C12orf50: variants seen among roughly 807,000 people sequenced by gnomAD.
C12orf50 encodes uncharacterized protein C12orf50.
Under a neutral mutation model 61.6 loss-of-function variants are expected in C12orf50, and 35 were observed. That is an observed-to-expected ratio of 0.57 (90% CI 0.43 to 0.75). C12orf50 has a LOEUF of 0.75. C12orf50 is among the 30% of genes least tolerant of loss of function. The pLI, the probability that C12orf50 is intolerant of heterozygous loss-of-function variation, is 0.00. For missense variants in C12orf50, 475 were observed against 488.5 expected, an observed-to-expected ratio of 0.97 and a Z score of 0.26; for synonymous variants, 178 against 161.5, an observed-to-expected ratio of 1.10 and a Z score of -0.77.
intron 3 of C12orf50, among the ~76,000 whole-genome samples, 178 bp from the exon 4 acceptor site, chr12:87,998,368 A>G (rs1318887472): frequency 6.6e-6 from 1 of 152,158 alleles, no homozygotes; most frequent in Non-Finnish European, 1.5e-5. Flanking sequence ...AATGAAATGA[A>G]AAATAATCCC....
chr12:87,988,046 A>G (rs1015827625), intron 8 of C12orf50, 80 bp from the exon 9 acceptor site: 1 of 805,946 alleles, frequency 1.2e-6, no homozygotes, highest in Non-Finnish European at 2.0e-6. Context: ...CACTATTCAA[A>G]CATTACATAA....
Position 88,002,264 on chromosome 12 carries a change from T to C in C12orf50, c.134-4074A>G, listed in dbSNP as rs978171741. On this transcript the variant is annotated intron_variant, in intron 3 of 12. Transcript: ENST00000298699. ...TTGTGATTTCTTGGTTATTTACATG[T>C]GTGCTATTTAATTTCCATATATTTG... is the stretch of plus-strand genomic sequence containing the variant. Among the ~76,000 whole-genome samples, 20 of 151,812 alleles carry C rather than the reference T, an allele frequency of 1.3e-4. 1 individual carries two copies. Among genetic ancestry groups the C allele is most frequent in the Admixed American group, 1.3e-3 (20 of 15,240 alleles).
Position 87,986,009 on chromosome 12 carries a change from T to G in C12orf50, c.967A>C (p.Asn323His), listed in dbSNP as rs1407820515. The G allele has an allele frequency of 6.2e-7, 1 of 1,613,882 alleles. No homozygotes were observed. Among genetic ancestry groups the G allele is most frequent in the Admixed American group, 1.7e-5 (1 of 59,972 alleles). ...TTCTCCGCATTTCGATTTTTATTAT[T>G]GCGGTGATAACTCATTTTATTTTGG... ...RPQNKMSYHR[N>H]NKNRNAENAS... The change falls in exon 11 of 13, where the codon AAT (asparagine) becomes CAT (histidine). Residue 323 changes from asparagine to histidine, a missense_variant. By Grantham distance (68) the Asn-to-His change is moderately conservative. Transcript: ENST00000298699.
chr12:88,014,542 G>A (rs895718463), intron 3 of C12orf50, among the ~76,000 whole-genome samples: 10 of 152,014 alleles, frequency 6.6e-5, no homozygotes, highest in African/African-American at 2.2e-4. Flanking sequence ...CTCATGATCC[G>A]CCCGCCTCGG....
chr12:87,989,456 C>A, intron 7 of C12orf50, 85 bp from the exon 8 acceptor site: 2 of 898,682 alleles, frequency 2.2e-6, no homozygotes, highest in Non-Finnish European at 3.6e-6. Context: ...TTCTACAATA[C>A]CCCTTTTGTT....
At chr12:88,001,794 TTCCCTTTTAA>T (rs2031666752) in intron 3 of C12orf50, among the ~76,000 whole-genome samples, 1 of 151,640 alleles carries the variant, frequency 6.6e-6, no homozygotes, top group Non-Finnish European at 1.5e-5. Context: ...GTCCACATTA[TTCCCTTTTAA>T]TTCTTTTTAT....
At chr12:87,999,000 T>A in intron 3 of C12orf50, among the ~76,000 whole-genome samples, 1 of 151,902 alleles carries the variant, frequency 6.6e-6, no homozygotes, top group Admixed American at 6.6e-5. Context: ...TCTGACACTA[T>A]AAAACTCATA....
intron 6 of C12orf50, among the ~76,000 whole-genome samples, chr12:87,995,942 T>A (rs1328151356): frequency 1.3e-5 from 2 of 152,216 alleles, no homozygotes; most frequent in Non-Finnish European, 2.9e-5. Context: ...AATAGTCTGG[T>A]CCACAGAAGA....
intron 3 of C12orf50, among the ~76,000 whole-genome samples, chr12:88,009,482 C>T (rs1396708243): frequency 6.6e-6 from 1 of 151,930 alleles, no homozygotes; most frequent in East Asian, 1.9e-4. Flanking sequence ...TCTATGATAG[C>T]AGTTCTCAAG....
chr12:87,991,636 G>C, intron 7 of C12orf50, among the ~76,000 whole-genome samples: 1 of 152,050 alleles, frequency 6.6e-6, no homozygotes, highest in East Asian at 1.9e-4. Flanking sequence ...ATAAGTTTAT[G>C]AAAAGGTGCT....
intron 12 of C12orf50, among the ~76,000 whole-genome samples, chr12:87,980,711 A>G (rs1383642760): frequency 6.6e-6 from 1 of 152,192 alleles, no homozygotes; most frequent in Non-Finnish European, 1.5e-5. Flanking sequence ...AGAGAAGGTC[A>G]CCAATGAGAA....
At position 87,998,198 on chromosome 12, in the gene C12orf50, G is replaced by T; in HGVS notation, c.134-8C>A. On this transcript the variant is annotated splice_polypyrimidine_tract_variant and splice_region_variant and intron_variant, in intron 3 of 12. Transcript: ENST00000298699. ...CTTTCTGTAGTGTGATATCTGCAGA[G>T]AAAATGCAACATTTCAGTCTGTTCA... is the stretch of plus-strand genomic sequence containing the variant. The T allele has an allele frequency of 6.2e-7, 1 of 1,607,466 alleles. No individual in the cohort carries two copies. Among genetic ancestry groups the T allele is most frequent in the Non-Finnish European group, 8.5e-7 (1 of 1,175,562 alleles).
chr12:88,005,843 A>G (rs2031842841), intron 3 of C12orf50, among the ~76,000 whole-genome samples: 1 of 151,588 alleles, frequency 6.6e-6, no homozygotes, highest in African/African-American at 2.4e-5. Context: ...ATGGAAGGCC[A>G]GGAGCTGTTA....
At chr12:88,024,916 T>C (rs2032646207) in intron 3 of C12orf50, among the ~76,000 whole-genome samples, 1 of 152,176 alleles carries the variant, frequency 6.6e-6, no homozygotes, top group African/African-American at 2.4e-5. Flanking sequence ...AATTGGCCAC[T>C]GGATTTAATA....
chr12:87,997,931 A>T (rs2136433561), intron 4 of C12orf50, 104 bp downstream of exon 4: 1 of 788,794 alleles, frequency 1.3e-6, no homozygotes, highest in African/African-American at 1.7e-5. Context: ...TCTCAGCAAA[A>T]TCTGCCTTAT....
At chr12:88,008,094 C>T (rs1213107101) in intron 3 of C12orf50, among the ~76,000 whole-genome samples, 1 of 151,580 alleles carries the variant, frequency 6.6e-6, no homozygotes, top group African/African-American at 2.4e-5. Context: ...TTCAGGGGTA[C>T]ACGTGCAGGT....
chr12:87,996,428 T>C lies in C12orf50; in HGVS notation c.427A>G (p.Thr143Ala), dbSNP rs570316510. ...DILSSKSMTP[T>A]AEKQLEKPLE... ...GGCTTTTCTAACTGTTTTTCTGCTG[T>C]AGGTGTCATGCTTTTTGATGACAAA... The change falls in exon 6 of 13, where the codon ACA (threonine) becomes GCA (alanine). Residue 143 changes from threonine (T) to alanine (A), a missense_variant. Thr to Ala is a moderately conservative substitution (Grantham distance 58). Transcript: ENST00000298699. 2.5e-6 allele frequency: 4 copies of C among 1,613,540 alleles called. No individual in the cohort carries two copies. The African/African-American group carries it at 5.3e-5, about 22-fold the overall frequency.
At position 87,990,502 on chromosome 12, in the gene C12orf50, C is replaced by T. The variant is rs1023690150; in HGVS notation, c.593-1131G>A. Among the ~76,000 whole-genome samples the T allele has an allele frequency of 1.2e-4, 18 of 152,184 alleles. No homozygotes were observed. The East Asian group carries it at 3.3e-3, about 28-fold the overall frequency. ...AAATGGCTTTTATTAGAATAACTTT[C>T]ATCCCAAAAACAACTATAAAATACC... On this transcript the variant is annotated intron_variant, in intron 7 of 12. Coordinates refer to ENST00000298699, the MANE Select transcript of C12orf50 (RefSeq NM_152589.3).
At chr12:87,988,350 C>A (rs1403294333) in intron 8 of C12orf50, among the ~76,000 whole-genome samples, 1 of 152,178 alleles carries the variant, frequency 6.6e-6, no homozygotes, top group Admixed American at 6.6e-5. Context: ...TGGAGCAGGA[C>A]TCCTTAGTAG....
Sources: gnomAD v4.1 joint callset for allele counts (sites outside exome capture counted in the v4.1 genomes callset) on GRCh38, gnomAD v4.1.1 for gene constraint, MANE v1.5 for transcripts, NCBI Gene and HGNC (gene_info 2026-07-23, HGNC 2026-07-21) for gene names.